CDC73: variants seen among roughly 807,000 people sequenced by gnomAD.
CDC73 encodes parafibromin.
In CDC73, 21 loss-of-function variants were observed where a neutral mutation model predicts 83.7. The ratio of observed to expected loss-of-function variants is 0.25; its 90% confidence interval spans 0.18 to 0.36. The LOEUF is 0.36. Ranked by LOEUF, CDC73 falls within the 10% of genes least tolerant of loss-of-function variation. The pLI, the probability that CDC73 is intolerant of heterozygous loss-of-function variation, is 1.00. For synonymous variants in CDC73, 224 were observed against 212.9 expected (o/e 1.05, Z -0.45); for missense variants, 342 against 653.3 (o/e 0.52, Z 5.19).
At chr1:193,147,427 G>A (rs1174343529) in intron 7 of CDC73, among the ~76,000 whole-genome samples, 1 of 150,752 alleles carries the variant, frequency 6.6e-6, no homozygotes, top group Non-Finnish European at 1.5e-5. Flanking sequence ...GAGTGCAGTG[G>A]CATGATCTTG....
intron 7 of CDC73, among the ~76,000 whole-genome samples, 192 bp from the exon 8 acceptor site, chr1:193,147,675 G>T (rs1161707242): frequency 6.6e-6 from 1 of 152,064 alleles, no homozygotes; most frequent in Non-Finnish European, 1.5e-5. Flanking sequence ...GAATACCATG[G>T]GATTTACAAT....
chr1:193,196,004 A>G (rs1008760164), intron 10 of CDC73, among the ~76,000 whole-genome samples: 3 of 152,206 alleles, frequency 2.0e-5, no homozygotes, highest in Admixed American at 1.3e-4. Context: ...ATTTTGATGG[A>G]ATCCAGTTTG....
chr1:193,205,894 T>C (rs955256517), intron 11 of CDC73, among the ~76,000 whole-genome samples: 4 of 152,134 alleles, frequency 2.6e-5, no homozygotes, highest in Non-Finnish European at 4.4e-5. Flanking sequence ...GTGGAGGCAG[T>C]TGAACCACAG....
chr1:193,156,672 T>G (rs1353073720), intron 10 of CDC73, among the ~76,000 whole-genome samples: 1 of 152,144 alleles, frequency 6.6e-6, no homozygotes. Context: ...CATTTGGTTA[T>G]TGATTAATTT....
intron 13 of CDC73, among the ~76,000 whole-genome samples, chr1:193,216,471 C>T (rs1193974864): frequency 1.3e-5 from 2 of 152,080 alleles, no homozygotes; most frequent in East Asian, 3.9e-4. Flanking sequence ...CCGGAAGCCC[C>T]CCAACCCCAA....
intron 15 of CDC73, among the ~76,000 whole-genome samples, chr1:193,241,271 C>T (rs1004642320): frequency 6.6e-6 from 1 of 152,270 alleles, no homozygotes; most frequent in Non-Finnish European, 1.5e-5. Context: ...CTATAAACAG[C>T]GTCAGTGGTG....
intron 13 of CDC73, among the ~76,000 whole-genome samples, chr1:193,223,284 A>G (rs937164943): frequency 5.9e-5 from 9 of 151,578 alleles, no homozygotes; most frequent in Non-Finnish European, 1.3e-4. Flanking sequence ...TTTCCTTGGA[A>G]TTATTTTCTG....
At chr1:193,159,095 A>G (rs1274515702) in intron 10 of CDC73, among the ~76,000 whole-genome samples, 2 of 152,172 alleles carry the variant, frequency 1.3e-5, no homozygotes, top group African/African-American at 2.4e-5. Context: ...TCCCTTTTAT[A>G]ATAATTTTCC....
At chr1:193,142,605 C>T (rs1675924879) in intron 7 of CDC73, among the ~76,000 whole-genome samples, 1 of 151,924 alleles carries the variant, frequency 6.6e-6, no homozygotes, top group Non-Finnish European at 1.5e-5. Flanking sequence ...CTTTCTCTGT[C>T]CTTCCTTTCT....
intron 13 of CDC73, among the ~76,000 whole-genome samples, chr1:193,215,924 T>C (rs1427619121): frequency 6.6e-6 from 1 of 152,126 alleles, no homozygotes; most frequent in East Asian, 1.9e-4. Context: ...AAAACAAAGA[T>C]ACAATGTACC....
chr1:193,199,214 G>T (rs1308728715), intron 10 of CDC73, among the ~76,000 whole-genome samples: 1 of 152,060 alleles, frequency 6.6e-6, no homozygotes, highest in Non-Finnish European at 1.5e-5. Context: ...TAGCCTCATT[G>T]TAATTTGTCC....
intron 8 of CDC73, among the ~76,000 whole-genome samples, chr1:193,148,639 ATTTTTTTT>A (rs894987430): frequency 2.6e-4 from 30 of 113,668 alleles, no homozygotes; most frequent in African/African-American, 6.6e-4. Context: ...AAAATTTATA[ATTTTTTTT>A]TTTTTTTTTT....
chr1:193,137,140 C>T (rs1386681138), intron 5 of CDC73, among the ~76,000 whole-genome samples: 1 of 152,160 alleles, frequency 6.6e-6, no homozygotes, highest in African/African-American at 2.4e-5. Flanking sequence ...TGATAAAAAT[C>T]TAGGCTGCAG....
At chr1:193,203,896 G>T (rs74920792) in intron 11 of CDC73, 44 bp downstream of exon 11, 1 of 1,526,634 alleles carries the variant, frequency 6.6e-7, no homozygotes, top group Non-Finnish European at 9.1e-7. Flanking sequence ...TCAAAAGATC[G>T]TAACAGTGCA....
At chr1:193,187,026 A>G (rs1676822551) in intron 10 of CDC73, among the ~76,000 whole-genome samples, 1 of 131,208 alleles carries the variant, frequency 7.6e-6, no homozygotes, top group Admixed American at 9.4e-5. Flanking sequence ...CTGCTTTCAA[A>G]TTGCTCTTGA....
At chr1:193,126,110 C>T (rs538940099) in intron 2 of CDC73, among the ~76,000 whole-genome samples, 17 of 152,026 alleles carry the variant, frequency 1.1e-4, no homozygotes, top group Admixed American at 5.2e-4. Context: ...AAAGAAAACC[C>T]GAAACGCTAA....
At chr1:193,244,772 A>G (rs189399558) in intron 15 of CDC73, among the ~76,000 whole-genome samples, 113 of 152,150 alleles carry the variant, frequency 7.4e-4, no homozygotes, top group Middle Eastern at 3.4e-3. Flanking sequence ...TCTAAATACT[A>G]TTGACAAAAA....
intron 15 of CDC73, among the ~76,000 whole-genome samples, chr1:193,248,298 C>T (rs1397808224): frequency 6.6e-6 from 1 of 151,966 alleles, no homozygotes; most frequent in Non-Finnish European, 1.5e-5. Context: ...ATTTTAAGGC[C>T]ACTGTTGAGA....
At chr1:193,133,414 G>A (rs1028016925) in intron 3 of CDC73, among the ~76,000 whole-genome samples, 1 of 152,068 alleles carries the variant, frequency 6.6e-6, no homozygotes, top group Non-Finnish European at 1.5e-5. Flanking sequence ...AACTAGACAA[G>A]GTGATTCTAA....
Sources: allele counts gnomAD v4.1 joint callset (sites outside exome capture counted in the v4.1 genomes callset), GRCh38; gene constraint gnomAD v4.1.1; transcripts MANE v1.5; gene names NCBI Gene and HGNC (gene_info 2026-07-23, HGNC 2026-07-21).